Variants in RASGRF2 observed in about 807,000 individuals in gnomAD.
RASGRF2 encodes the protein Ras protein specific guanine nucleotide releasing factor 2.
RASGRF2 carries 76 observed loss-of-function variants against 151.0 expected under a neutral mutation model. The ratio of observed to expected loss-of-function variants is 0.50; its 90% CI spans 0.42 to 0.61. The LOEUF (loss-of-function observed/expected upper bound fraction) is 0.61, where lower values mean the gene tolerates loss of function less well. RASGRF2 is among the 20% of genes least tolerant of loss of function. RASGRF2 has a pLI of 0.00. For synonymous variants in RASGRF2, 504 were observed against 566.5 expected (o/e 0.89, Z 1.57); for missense variants, 1,148 against 1,564.6 (o/e 0.73, Z 4.49).
intron 18 of RASGRF2, among the ~76,000 whole-genome samples, chr5:81,181,636 T>G (rs1380188510): frequency 1.3e-5 from 2 of 152,144 alleles, no homozygotes; most frequent in Non-Finnish European, 2.9e-5. Flanking sequence ...ATGGTCCATC[T>G]TATTCCTCTC....
At chr5:81,079,736 C>T (rs1024408245) in intron 5 of RASGRF2, among the ~76,000 whole-genome samples, 7 of 152,108 alleles carry the variant, frequency 4.6e-5, no homozygotes, top group African/African-American at 1.7e-4. Context: ...TGTCAAAACT[C>T]ATTTTACTGA....
chr5:81,068,338 G>A (rs1751672288), intron 3 of RASGRF2, among the ~76,000 whole-genome samples, 159 bp downstream of exon 3: 1 of 150,904 alleles, frequency 6.6e-6, no homozygotes, highest in Admixed American at 6.6e-5. Flanking sequence ...TGAATCTAAT[G>A]TCTATATTAG....
chr5:81,000,305 G>C (rs150589348), intron 1 of RASGRF2, among the ~76,000 whole-genome samples: 26 of 152,308 alleles, frequency 1.7e-4, no homozygotes, highest in African/African-American at 5.8e-4. Flanking sequence ...GCAATGGTGC[G>C]ATCTTGGCTC....
At chr5:80,993,504 TC>T (rs561159339) in intron 1 of RASGRF2, among the ~76,000 whole-genome samples, 2 of 152,182 alleles carry the variant, frequency 1.3e-5, no homozygotes, top group Non-Finnish European at 2.9e-5. Flanking sequence ...CCTTTTTGTC[TC>T]AAAGCCCTCT....
rs751207758 is a variant in RASGRF2 at position 80,995,379 on chromosome 5, C to CAT, written c.288+34373_288+34374dup. On this transcript the variant is annotated intron_variant, in intron 1 of 26. Transcript: ENST00000265080. ...TTAGAATTTCATATAAATGGAATTT[C>CAT]ATATATATATATATATATATACACA... Among the ~76,000 whole-genome samples, 516 of 132,292 alleles carry CAT rather than the reference C, an allele frequency of 3.9e-3. 4 individuals carry two copies. Among genetic ancestry groups the CAT allele is most frequent in the East Asian group, 0.014 (69 of 5,056 alleles). 86.8% of individuals were successfully genotyped at this position (132,292 alleles called of 152,430 possible). A position where few individuals can be genotyped will look rare whatever the true frequency, so the allele number is the denominator to read the frequency against.
intron 7 of RASGRF2, 72 bp downstream of exon 7, chr5:81,080,861 C>T (rs764950600): frequency 1.0e-5 from 14 of 1,371,300 alleles, no homozygotes; most frequent in African/African-American, 7.2e-5. Flanking sequence ...GCGTGACCAG[C>T]GTGAGATGCT....
intron 26 of RASGRF2, 40 bp from the exon 27 acceptor site, chr5:81,225,638 C>A (rs367582411): frequency 4.0e-5 from 65 of 1,605,200 alleles, no homozygotes; most frequent in Non-Finnish European, 5.2e-5. Context: ...GCACTGGTGT[C>A]TGAAAGAGGT....
intron 2 of RASGRF2, among the ~76,000 whole-genome samples, chr5:81,045,677 G>A (rs967704179): frequency 3.0e-5 from 3 of 100,430 alleles, no homozygotes; most frequent in Admixed American, 9.5e-5. Flanking sequence ...CCTAGGACTG[G>A]GTTCTTTGAT....
chr5:81,139,727 T>C (rs988298705), intron 17 of RASGRF2, among the ~76,000 whole-genome samples: 12 of 152,120 alleles, frequency 7.9e-5, no homozygotes, highest in Admixed American at 7.9e-4. Context: ...TTTACAGTAA[T>C]AAATATAATG....
intron 1 of RASGRF2, among the ~76,000 whole-genome samples, chr5:80,981,085 A>G (rs745801271): frequency 1.3e-5 from 2 of 152,240 alleles, no homozygotes; most frequent in Non-Finnish European, 2.9e-5. Flanking sequence ...TGTATTGATT[A>G]TGTTACTATA....
intron 1 of RASGRF2, among the ~76,000 whole-genome samples, chr5:80,968,229 C>T (rs1747786680): frequency 6.6e-6 from 1 of 152,206 alleles, no homozygotes; most frequent in Non-Finnish European, 1.5e-5. Flanking sequence ...TTTTCCTTTC[C>T]TTTCCCTTTC....
At chr5:81,225,418 A>G (rs1231669366) in intron 26 of RASGRF2, among the ~76,000 whole-genome samples, 4 of 152,204 alleles carry the variant, frequency 2.6e-5, no homozygotes, top group Non-Finnish European at 5.9e-5. Flanking sequence ...AGACATAGAA[A>G]AACAACTGGG....
intron 17 of RASGRF2, among the ~76,000 whole-genome samples, chr5:81,166,317 G>A (rs1580373590): frequency 6.6e-6 from 1 of 151,968 alleles, no homozygotes; most frequent in Non-Finnish European, 1.5e-5. Flanking sequence ...CTCCCAAGTA[G>A]CTGGAATTTA....
At chr5:81,089,168 G>C (rs1752322529) in intron 9 of RASGRF2, among the ~76,000 whole-genome samples, 1 of 152,088 alleles carries the variant, frequency 6.6e-6, no homozygotes, top group South Asian at 2.1e-4. Context: ...CTTTTACATA[G>C]CACCCTTAAC....
intron 26 of RASGRF2, among the ~76,000 whole-genome samples, chr5:81,220,456 G>A (rs940608167): frequency 2.6e-5 from 4 of 152,170 alleles, no homozygotes; most frequent in Non-Finnish European, 5.9e-5. Flanking sequence ...TGATGTGTTT[G>A]TTTGACTTAA....
intron 1 of RASGRF2, among the ~76,000 whole-genome samples, chr5:81,031,925 A>G (rs1485069727): frequency 6.6e-6 from 1 of 152,234 alleles, no homozygotes; most frequent in East Asian, 1.9e-4. Flanking sequence ...AGAAGAAAAG[A>G]GAGAAGAATC....
chr5:80,991,454 G>T (rs1015895956), intron 1 of RASGRF2, among the ~76,000 whole-genome samples: 2 of 152,262 alleles, frequency 1.3e-5, no homozygotes, highest in African/African-American at 4.8e-5. Context: ...AGAATCTCAG[G>T]CAGGACCTGA....
intron 1 of RASGRF2, among the ~76,000 whole-genome samples, chr5:81,033,266 A>G (rs554717475): frequency 6.8e-6 from 1 of 147,606 alleles, no homozygotes; most frequent in Non-Finnish European, 1.5e-5. Context: ...CAAGCTACCA[A>G]TGACTTTCTT....
chr5:81,184,722 C>T (rs55642761), intron 18 of RASGRF2, among the ~76,000 whole-genome samples: 1 of 152,182 alleles, frequency 6.6e-6, no homozygotes, highest in Non-Finnish European at 1.5e-5. Context: ...TAAAAATCTC[C>T]TCCCCAAAGG....
Sources: gnomAD v4.1 joint callset for allele counts (sites outside exome capture counted in the v4.1 genomes callset) on GRCh38, gnomAD v4.1.1 for gene constraint, MANE v1.5 for transcripts, NCBI Gene and HGNC (gene_info 2026-07-23, HGNC 2026-07-21) for gene names.